Variants in PLXNA4 observed in about 807,000 individuals in gnomAD.
PLXNA4 encodes plexin A4.
PLXNA4 carries 44 observed loss-of-function variants against 191.8 expected under a neutral mutation model. The ratio of observed to expected loss-of-function variants is 0.23; its 90% CI spans 0.18 to 0.29. The LOEUF (loss-of-function observed/expected upper bound fraction) is 0.29. Ranked by LOEUF, PLXNA4 falls within the 10% of genes least tolerant of loss-of-function variation. PLXNA4 has a pLI of 1.00. For synonymous variants in PLXNA4, 1,082 were observed against 1,009.5 expected (o/e 1.07, Z -1.36); for missense variants, 1,800 against 2,488.8 (o/e 0.72, Z 5.89).
intron 3 of PLXNA4, among the ~76,000 whole-genome samples, chr7:132,311,163 T>C (rs917239922): frequency 2.3e-5 from 3 of 128,682 alleles, no homozygotes; most frequent in Non-Finnish European, 3.3e-5. Context: ...TAATTGTGTG[T>C]GTGTGTGTGT....
intron 30 of PLXNA4, among the ~76,000 whole-genome samples, chr7:132,140,332 A>C (rs1340972107): frequency 1.3e-5 from 2 of 152,138 alleles, no homozygotes; most frequent in African/African-American, 4.8e-5. Context: ...TTCTGGGCCT[A>C]GAAGACATTT....
rs1008260981 is a variant in PLXNA4 at position 132,471,079 on chromosome 7, G to A, written c.1371+18213C>T. On this transcript the variant is annotated intron_variant, in intron 3 of 31. Transcript: ENST00000321063. The stretch of plus-strand genomic sequence containing the variant: ...TGGTTTAGTACCATCCGCTTGGTGC[G>A]GTTTTTGTGATAGTGAGAGAGTTCT... Among the ~76,000 whole-genome samples the A allele has an allele frequency of 3.9e-5, 6 of 152,112 alleles. 1 individual carries two copies. The highest frequency in any genetic ancestry group is 5.9e-5 in the Non-Finnish European group (4 of 68,028).
Position 132,544,853 on chromosome 7 carries a change from GAAATA to G in PLXNA4, c.-87+31564_-87+31568del, listed in dbSNP as rs559431908. 8.5e-5 allele frequency among the ~76,000 whole-genome samples: 13 copies of G among 152,216 alleles called. 1 individual carries two copies. In the South Asian group the frequency reaches 2.7e-3, roughly 32 times the overall value. On this transcript the variant is annotated intron_variant, in intron 1 of 31. Transcript: ENST00000321063. ...CTTTCATTGCAAAGATCTTGGAGATGAAATAAAATAAAAGTAAAATGTAACTTGGG... is the reference window on the plus strand; with the variant it reads ...CTTTCATTGCAAAGATCTTGGAGATGAAATAAAAGTAAAATGTAACTTGGG...
chr7:132,198,339 C>T, intron 13 of PLXNA4, 146 bp downstream of exon 13: 1 of 1,155,218 alleles, frequency 8.7e-7, no homozygotes, highest in Non-Finnish European at 1.2e-6. Context: ...TGTGGGAGTC[C>T]ACCCTCCAAC....
intron 3 of PLXNA4, among the ~76,000 whole-genome samples, chr7:132,327,169 C>CAAAAAAAAAA (rs60359571): frequency 1.3e-3 from 166 of 124,524 alleles, no homozygotes; most frequent in Middle Eastern, 4.7e-3. Context: ...AAAAGGAAGG[C>CAAAAAAAAAA]AAAAAAAAAA....
intron 1 of PLXNA4, among the ~76,000 whole-genome samples, chr7:132,527,880 G>A (rs536365469): frequency 1.4e-3 from 212 of 152,290 alleles, no homozygotes; most frequent in African/African-American, 4.6e-3. Flanking sequence ...ACAGAGGCAC[G>A]AGAACAGAGC....
chr7:132,299,849 G>A (rs189878886), intron 3 of PLXNA4, among the ~76,000 whole-genome samples: 172 of 152,272 alleles, frequency 1.1e-3, no homozygotes, highest in Non-Finnish European at 1.7e-3. Context: ...AGCAAAGCAG[G>A]GACTCATGGT....
At chr7:132,380,010 A>T (rs1028084133) in intron 3 of PLXNA4, among the ~76,000 whole-genome samples, 1 of 152,156 alleles carries the variant, frequency 6.6e-6, no homozygotes, top group African/African-American at 2.4e-5. Flanking sequence ...ATAATATAAC[A>T]GTGGCTTAAT....
intron 3 of PLXNA4, among the ~76,000 whole-genome samples, chr7:132,373,216 A>C (rs1804515814): frequency 6.6e-6 from 1 of 152,190 alleles, no homozygotes; most frequent in African/African-American, 2.4e-5. Flanking sequence ...GCTGCCCATG[A>C]GTCTCTAGCT....
At chr7:132,298,329 T>C in intron 3 of PLXNA4, 107 bp from the exon 4 acceptor site, 1 of 1,421,548 alleles carries the variant, frequency 7.0e-7, no homozygotes, top group Non-Finnish European at 9.4e-7. Flanking sequence ...GCATGAGTTC[T>C]GTCTCCACAG....
At chr7:132,345,123 A>G (rs919918125) in intron 3 of PLXNA4, among the ~76,000 whole-genome samples, 2 of 152,208 alleles carry the variant, frequency 1.3e-5, no homozygotes, top group Admixed American at 6.5e-5. Context: ...AAAGTAGGAA[A>G]TCCATTGATA....
At chr7:132,433,990 A>G (rs1210421495) in intron 3 of PLXNA4, among the ~76,000 whole-genome samples, 2 of 152,248 alleles carry the variant, frequency 1.3e-5, no homozygotes, top group Non-Finnish European at 2.9e-5. Context: ...CAGCCCATCA[A>G]TGAAAGCATG....
At chr7:132,197,010 AT>A in intron 13 of PLXNA4, among the ~76,000 whole-genome samples, 1 of 152,256 alleles carries the variant, frequency 6.6e-6, no homozygotes, top group African/African-American at 2.4e-5. Flanking sequence ...TATCATTCAC[AT>A]TTTTATTTTG....
chr7:132,243,840 C>G (rs1798961339), intron 4 of PLXNA4, among the ~76,000 whole-genome samples: 1 of 152,118 alleles, frequency 6.6e-6, no homozygotes, highest in South Asian at 2.1e-4. Flanking sequence ...CCAGAAAACT[C>G]CTCTGACAGT....
At chr7:132,632,016 C>T (rs866056126) in intron 2 of PLXNA4, among the ~76,000 whole-genome samples, 1 of 152,116 alleles carries the variant, frequency 6.6e-6, no homozygotes, top group Non-Finnish European at 1.5e-5. Flanking sequence ...GGGTGGATCA[C>T]CTGAGGTCAG....
intron 3 of PLXNA4, among the ~76,000 whole-genome samples, chr7:132,447,512 G>A (rs2117281607): frequency 6.6e-6 from 1 of 152,294 alleles, no homozygotes; most frequent in Middle Eastern, 3.4e-3. Flanking sequence ...GAGAGATAGA[G>A]GTGGGAAGGG....
At position 132,507,597 on chromosome 7, in the gene PLXNA4, C is replaced by A. The variant is rs757423478; in HGVS notation, c.1097G>T (p.Arg366Leu). 6.2e-7 allele frequency: 1 copy of A among 1,614,108 alleles called. No homozygotes were observed. The highest frequency in any genetic ancestry group is 1.7e-5 in the Admixed American group (1 of 60,016). Residue 366 changes from arginine to leucine, a missense_variant, in exon 2 of 32, where the codon CGC (arginine) becomes CTC (leucine). Arg to Leu is a moderately radical substitution (Grantham distance 102). Transcript: ENST00000321063. ...ACAAGACTGCAGCCGCTCCTTAATGCGGTCATTTATCTGCTTCAAGATGAA... is the reference window on the plus strand; with the variant it reads ...ACAAGACTGCAGCCGCTCCTTAATGAGGTCATTTATCTGCTTCAAGATGAA... ...CIFILKQINDRIKERLQSCYR... is the reference protein window; with the variant it reads ...CIFILKQINDLIKERLQSCYR...
chr7:132,162,344 G>A (rs1472517487), intron 24 of PLXNA4, among the ~76,000 whole-genome samples: 2 of 152,306 alleles, frequency 1.3e-5, no homozygotes, highest in East Asian at 3.9e-4. Flanking sequence ...CTGTCCTCAA[G>A]TGTTCCCACC....
chr7:132,261,564 C>G (rs1048301667), intron 4 of PLXNA4, among the ~76,000 whole-genome samples: 1 of 152,234 alleles, frequency 6.6e-6, no homozygotes, highest in African/African-American at 2.4e-5. Flanking sequence ...AAGCCACACC[C>G]CAAGGTATTT....
Sources: gnomAD v4.1 joint callset for allele counts (sites outside exome capture counted in the v4.1 genomes callset) on GRCh38, gnomAD v4.1.1 for gene constraint, MANE v1.5 for transcripts, NCBI Gene and HGNC (gene_info 2026-07-23, HGNC 2026-07-21) for gene names.